AFAP1: variants seen among roughly 807,000 people sequenced by gnomAD.
AFAP1 encodes actin filament-associated protein 1.
In AFAP1, 75 loss-of-function variants were observed where a neutral mutation model predicts 93.9. That is an observed-to-expected ratio of 0.80 (90% CI 0.66 to 0.97). The LOEUF is 0.97. Among genes scored for constraint, AFAP1 ranks in the 50% least tolerant of loss-of-function variants. The probability of loss-of-function intolerance (pLI) is 0.00; values close to 1 mark genes in which losing one functional copy is unlikely to be tolerated. For missense variants in AFAP1, 1,201 were observed against 1,050.8 expected, an observed-to-expected ratio of 1.14 and a Z score of -1.98; for synonymous variants, 517 against 430.7, an observed-to-expected ratio of 1.20 and a Z score of -2.48.
intron 1 of AFAP1, among the ~76,000 whole-genome samples, chr4:7,893,442 G>A (rs748613528): frequency 2.5e-4 from 38 of 151,970 alleles, no homozygotes; most frequent in Non-Finnish European, 4.3e-4. Context: ...TTAGCCAGGC[G>A]TGGTGGCGGG....
At chr4:7,856,685 C>T (rs534489939) in intron 3 of AFAP1, among the ~76,000 whole-genome samples, 1 of 152,308 alleles carries the variant, frequency 6.6e-6, no homozygotes, top group East Asian at 1.9e-4. Flanking sequence ...CTCAAGTCCC[C>T]TCTTTTCTTA....
chr4:7,903,155 G>T (rs976491150), intron 1 of AFAP1, among the ~76,000 whole-genome samples: 6 of 152,142 alleles, frequency 3.9e-5, no homozygotes, highest in Non-Finnish European at 5.9e-5. Context: ...GAAGAAAGAA[G>T]AATAAGGTTC....
At chr4:7,800,699 G>A in intron 9 of AFAP1, 46 bp from the exon 10 acceptor site, 3 of 1,605,730 alleles carry the variant, frequency 1.9e-6, no homozygotes, top group Non-Finnish European at 2.6e-6. Context: ...GACAAGACCA[G>A]GCGAGGTGAA....
chr4:7,798,977 G>T (rs1274410396), intron 10 of AFAP1: 7 of 986,484 alleles, frequency 7.1e-6, no homozygotes, highest in Non-Finnish European at 8.4e-6. Flanking sequence ...GACCCGCATT[G>T]TTACATCAAG....
intron 14 of AFAP1, chr4:7,775,573 T>C (rs973352602): frequency 6.6e-6 from 1 of 152,186 alleles, no homozygotes; most frequent in Non-Finnish European, 1.5e-5. Context: ...CCCCCAGCAC[T>C]GAGATTAGCA....
chr4:7,862,586 G>A (rs538057811), intron 3 of AFAP1, among the ~76,000 whole-genome samples: 6 of 152,218 alleles, frequency 3.9e-5, no homozygotes, highest in African/African-American at 1.4e-4. Context: ...GGTTAAAATG[G>A]TAAATTTTAT....
At chr4:7,874,350 C>CTTTTTTTTTT (rs1178468163) in intron 1 of AFAP1, among the ~76,000 whole-genome samples, 1 of 111,026 alleles carries the variant, frequency 9.0e-6, no homozygotes, top group African/African-American at 3.5e-5. Flanking sequence ...GTCAGATTGC[C>CTTTTTTTTTT]TTTTTCTTTT....
chr4:7,811,727 C>T (rs1720062213), intron 8 of AFAP1, among the ~76,000 whole-genome samples: 1 of 152,146 alleles, frequency 6.6e-6, no homozygotes, highest in East Asian at 1.9e-4. Context: ...GAAGACAGCC[C>T]TCGCTAGACA....
chr4:7,925,853 A>AAAAAGAAAG (rs61035857), intron 1 of AFAP1, among the ~76,000 whole-genome samples: 19 of 147,328 alleles, frequency 1.3e-4, no homozygotes, highest in South Asian at 4.3e-4. Flanking sequence ...CTCAAAAAAA[A>AAAAAGAAAG]AAAGAAAGAA....
chr4:7,936,575 A>G (rs1721394005), intron 1 of AFAP1, among the ~76,000 whole-genome samples: 1 of 145,280 alleles, frequency 6.9e-6, no homozygotes, highest in South Asian at 2.2e-4. Flanking sequence ...ATTTTTTACA[A>G]GCGGTAATTT....
intron 6 of AFAP1, among the ~76,000 whole-genome samples, chr4:7,824,113 T>A (rs888543017): frequency 6.6e-6 from 1 of 152,240 alleles, no homozygotes; most frequent in Non-Finnish European, 1.5e-5. Context: ...AGTAAAGCAC[T>A]GATCACTCCA....
intron 4 of AFAP1, among the ~76,000 whole-genome samples, 200 bp downstream of exon 4, chr4:7,855,266 G>A (rs898229563): frequency 3.3e-5 from 5 of 152,192 alleles, no homozygotes; most frequent in African/African-American, 7.2e-5. Context: ...GACAGCAATC[G>A]GAAGAGAGGC....
chr4:7,868,463 C>T (rs1716671221), intron 3 of AFAP1, among the ~76,000 whole-genome samples, 159 bp downstream of exon 3: 1 of 152,216 alleles, frequency 6.6e-6, no homozygotes, highest in African/African-American at 2.4e-5. Flanking sequence ...CTAGCTATCA[C>T]TCACAGCTTC....
chr4:7,848,980 C>T (rs761093101), intron 4 of AFAP1, among the ~76,000 whole-genome samples: 19 of 152,190 alleles, frequency 1.2e-4, no homozygotes, highest in Non-Finnish European at 2.4e-4. Context: ...AGCAACGGTG[C>T]CCTGAGAAGG....
At chr4:7,857,079 T>C (rs1715154131) in intron 3 of AFAP1, among the ~76,000 whole-genome samples, 1 of 152,174 alleles carries the variant, frequency 6.6e-6, no homozygotes, top group Non-Finnish European at 1.5e-5. Context: ...CCCTTTTTCC[T>C]ATGAATAGCA....
chr4:7,923,255 T>C (rs1449234256), intron 1 of AFAP1, among the ~76,000 whole-genome samples: 1 of 152,216 alleles, frequency 6.6e-6, no homozygotes, highest in Non-Finnish European at 1.5e-5. Context: ...TATAGTATTC[T>C]GGAACCATCT....
intron 11 of AFAP1, among the ~76,000 whole-genome samples, chr4:7,789,397 A>T (rs916968324): frequency 6.9e-6 from 1 of 144,898 alleles, no homozygotes; most frequent in African/African-American, 2.5e-5. Flanking sequence ...GCTCCGCACC[A>T]GCCCCGGCTT....
At chr4:7,938,184 C>T (rs1363937025) in intron 1 of AFAP1, among the ~76,000 whole-genome samples, 1 of 151,710 alleles carries the variant, frequency 6.6e-6, no homozygotes, top group Non-Finnish European at 1.5e-5. Context: ...GGGTCTGGGG[C>T]AGCGGAGGGC....
At chr4:7,835,975 C>T (rs1712251386) in intron 6 of AFAP1, among the ~76,000 whole-genome samples, 1 of 152,014 alleles carries the variant, frequency 6.6e-6, no homozygotes, top group Non-Finnish European at 1.5e-5. Context: ...GCGGGAGAGG[C>T]AAGGGAAAAT....
Sources: allele counts gnomAD v4.1 joint callset (sites outside exome capture counted in the v4.1 genomes callset), GRCh38; gene constraint gnomAD v4.1.1; transcripts MANE v1.5; gene names NCBI Gene and HGNC (gene_info 2026-07-23, HGNC 2026-07-21).